CSMD3: variants seen among roughly 807,000 people sequenced by gnomAD.
The protein encoded by CSMD3 is CUB and Sushi multiple domains 3, also known as CUB and sushi domain-containing protein 3.
Under a neutral mutation model 435.2 loss-of-function variants are expected in CSMD3, and 177 were observed. The observed-to-expected ratio is 0.41, with a 90% confidence interval of 0.36 to 0.46. CSMD3 has a LOEUF of 0.46. CSMD3 is among the 20% of genes least tolerant of loss of function. The pLI, the probability that CSMD3 is intolerant of heterozygous loss-of-function variation, is 0.34. For synonymous variants in CSMD3, 1,656 were observed against 1,520.5 expected (o/e 1.09, Z -2.07); for missense variants, 4,265 against 4,504.6 (o/e 0.95, Z 1.52).
chr8:113,368,939 T>C (rs1454605020), intron 1 of CSMD3, among the ~76,000 whole-genome samples: 1 of 152,100 alleles, frequency 6.6e-6, no homozygotes, highest in Non-Finnish European at 1.5e-5. Flanking sequence ...AACGGTGGGT[T>C]TGTGTTTCTA....
At chr8:112,431,152 G>A (rs527953190) in intron 32 of CSMD3, among the ~76,000 whole-genome samples, 1 of 152,148 alleles carries the variant, frequency 6.6e-6, no homozygotes, top group African/African-American at 2.4e-5. Context: ...GAAACTGAAA[G>A]AAGCTTAAAC....
intron 6 of CSMD3, among the ~76,000 whole-genome samples, chr8:112,987,527 G>A (rs1312511251): frequency 6.6e-6 from 1 of 152,078 alleles, no homozygotes; most frequent in Non-Finnish European, 1.5e-5. Flanking sequence ...TAACCTATGA[G>A]CTAATAATGA....
intron 4 of CSMD3, among the ~76,000 whole-genome samples, chr8:113,107,314 T>C (rs1313122942): frequency 2.0e-5 from 3 of 151,984 alleles, no homozygotes; most frequent in Non-Finnish European, 4.4e-5. Context: ...AGAAAAGGGG[T>C]TTCACCATAT....
intron 13 of CSMD3, among the ~76,000 whole-genome samples, chr8:112,746,413 G>T (rs113080176): frequency 6.6e-5 from 10 of 152,116 alleles, no homozygotes; most frequent in African/African-American, 2.2e-4. Flanking sequence ...CTTCTTGATT[G>T]TGATAGAGTC....
chr8:112,937,505 C>G (rs2083320009), intron 9 of CSMD3, among the ~76,000 whole-genome samples: 1 of 152,002 alleles, frequency 6.6e-6, no homozygotes, highest in African/African-American at 2.4e-5. Flanking sequence ...TGCCCACCAC[C>G]ACTCCTGGCT....
intron 3 of CSMD3, among the ~76,000 whole-genome samples, chr8:113,233,500 CTAA>C (rs2093113014): frequency 6.7e-6 from 1 of 149,820 alleles, no homozygotes; most frequent in African/African-American, 2.4e-5. Flanking sequence ...TTATAATATG[CTAA>C]TATTAATGTT....
At chr8:113,306,289 T>G (rs1162365410) in intron 2 of CSMD3, among the ~76,000 whole-genome samples, 2 of 152,152 alleles carry the variant, frequency 1.3e-5, no homozygotes, top group Non-Finnish European at 2.9e-5. Flanking sequence ...AGAGAATCAG[T>G]ACACAAGGGT....
chr8:112,784,374 T>C (rs1371318250), intron 13 of CSMD3, among the ~76,000 whole-genome samples: 1 of 151,388 alleles, frequency 6.6e-6, no homozygotes, highest in East Asian at 1.9e-4. Context: ...TCTTAATAAC[T>C]AGAAAAGCAA....
At chr8:112,493,685 T>C (rs1242473753) in intron 30 of CSMD3, among the ~76,000 whole-genome samples, 1 of 152,090 alleles carries the variant, frequency 6.6e-6, no homozygotes, top group Non-Finnish European at 1.5e-5. Flanking sequence ...TACCCAGATA[T>C]TGAACAAAGA....
At chr8:113,232,461 T>G (rs1030119336) in intron 3 of CSMD3, among the ~76,000 whole-genome samples, 19 of 151,664 alleles carry the variant, frequency 1.3e-4, no homozygotes, top group African/African-American at 4.3e-4. Context: ...GTAATCTCAC[T>G]CTGTAATTCT....
In CSMD3 at chr8:112,666,391, G is replaced by C. The variant is rs2075526233; in HGVS notation, c.2702C>G (p.Ala901Gly). Residue 901 changes from alanine to glycine, a missense_variant, in exon 17 of 71, where the codon GCT (alanine) becomes GGT (glycine). Physicochemically the swap from Ala to Gly is moderately conservative, Grantham distance 60. Transcript: ENST00000297405. Reference sequence around the variant, plus strand: ...TGGTGAGAGAATCACTCCACTGGGAGCTGAAAAATGGCCACCACATGGGGC... The same window carrying C: ...TGGTGAGAGAATCACTCCACTGGGACCTGAAAAATGGCCACCACATGGGGC... ...CGAPCGGHFS[A>G]PSGVILSPGW... The C allele has an allele frequency of 6.2e-7, 1 of 1,612,338 alleles. No homozygotes were observed. The highest frequency in any genetic ancestry group is 1.7e-5 in the Admixed American group (1 of 59,770).
At chr8:113,115,634 T>C (rs1174923846) in intron 4 of CSMD3, among the ~76,000 whole-genome samples, 1 of 152,232 alleles carries the variant, frequency 6.6e-6, no homozygotes, top group East Asian at 1.9e-4. Context: ...TTATAGTTTA[T>C]TAATTTTCAC....
chr8:113,127,799 T>C (rs768247639), intron 4 of CSMD3, among the ~76,000 whole-genome samples: 2 of 152,114 alleles, frequency 1.3e-5, no homozygotes, highest in South Asian at 2.1e-4. Flanking sequence ...AACATCTTAA[T>C]TATTTCCTGT....
intron 3 of CSMD3, among the ~76,000 whole-genome samples, chr8:113,189,697 A>T (rs192996213): frequency 1.1e-4 from 17 of 151,968 alleles, no homozygotes; most frequent in Admixed American, 4.6e-4. Context: ...GCATAATAAA[A>T]CTATTAATGA....
intron 2 of CSMD3, among the ~76,000 whole-genome samples, chr8:113,300,672 T>C (rs1228992102): frequency 6.6e-6 from 1 of 151,928 alleles, no homozygotes; most frequent in Non-Finnish European, 1.5e-5. Flanking sequence ...GAACAATAGA[T>C]ACTGGGAACT....
At chr8:112,662,197 A>G (rs1454412546) in intron 17 of CSMD3, among the ~76,000 whole-genome samples, 1 of 152,218 alleles carries the variant, frequency 6.6e-6, no homozygotes, top group Non-Finnish European at 1.5e-5. Flanking sequence ...GGAACCAAAA[A>G]AGAGCCCACA....
intron 38 of CSMD3, among the ~76,000 whole-genome samples, chr8:112,368,925 T>C: frequency 6.6e-6 from 1 of 152,188 alleles, no homozygotes; most frequent in East Asian, 1.9e-4. Flanking sequence ...GTGCTTGACA[T>C]ATACTGAGTA....
chr8:113,311,109 G>C (rs963964324), intron 2 of CSMD3: 4 of 151,666 alleles, frequency 2.6e-5, no homozygotes, highest in African/African-American at 7.3e-5. Context: ...TTTACTTGTT[G>C]GTATAAGTTT....
At chr8:113,396,940 C>A (rs2094486187) in intron 1 of CSMD3, among the ~76,000 whole-genome samples, 1 of 151,996 alleles carries the variant, frequency 6.6e-6, no homozygotes, top group African/African-American at 2.4e-5. Context: ...TTATTCCCAG[C>A]ACATAGAACA....
Sources: allele counts gnomAD v4.1 joint callset (sites outside exome capture counted in the v4.1 genomes callset), GRCh38; gene constraint gnomAD v4.1.1; transcripts MANE v1.5; gene names NCBI Gene and HGNC (gene_info 2026-07-23, HGNC 2026-07-21).